The following OSBPL1A variants were observed in gnomAD, a reference collection of about 807,000 sequenced individuals.
OSBPL1A encodes the protein oxysterol-binding protein-related protein 1.
In OSBPL1A, 80 loss-of-function variants were observed where a neutral mutation model predicts 137.1. The ratio of observed to expected loss-of-function variants is 0.58; its 90% CI spans 0.49 to 0.70. OSBPL1A has a LOEUF of 0.70. OSBPL1A is among the 30% of genes least tolerant of loss of function. The pLI is 0.00. For synonymous variants in OSBPL1A, 365 were observed against 389.7 expected, an observed-to-expected ratio of 0.94 and a Z score of 0.75; for missense variants, 970 against 1,129.4, an observed-to-expected ratio of 0.86 and a Z score of 2.02.
chr18:24,231,791 G>A (rs1042327512), intron 16 of OSBPL1A, among the ~76,000 whole-genome samples: 2 of 152,216 alleles, frequency 1.3e-5, no homozygotes, highest in African/African-American at 2.4e-5. Flanking sequence ...CTTTCCAAGA[G>A]TTGATTTGTT....
chr18:24,393,224 A>T (rs1477604968), intron 1 of OSBPL1A, among the ~76,000 whole-genome samples: 3 of 152,244 alleles, frequency 2.0e-5, no homozygotes, highest in Non-Finnish European at 2.9e-5. Context: ...TACACATATT[A>T]TGTATACAGA....
Position 24,314,346 on chromosome 18 carries a change from A to T in OSBPL1A, c.872T>A (p.Val291Glu). 1 of 1,597,968 alleles carries T rather than the reference A, an allele frequency of 6.3e-7. No individual in the cohort carries two copies. Among genetic ancestry groups the T allele is most frequent in the Non-Finnish European group, 8.5e-7 (1 of 1,172,244 alleles). Residue 291 changes from valine (V) to glutamate (E), a missense_variant and splice_region_variant, in exon 12 of 28, where the codon GTA becomes GAA. Physicochemically the swap from Val to Glu is moderately radical, Grantham distance 121 (BLOSUM62 -2). Coordinates refer to ENST00000319481, the MANE Select transcript of OSBPL1A (RefSeq NM_080597.4). Reference sequence around the variant, plus strand: ...GAAGAGGCAGCTATCAGTGGATTTTACCTTGGATATAAAGAAGTCAGTAAG... The same window carrying T: ...GAAGAGGCAGCTATCAGTGGATTTTTCCTTGGATATAAAGAAGTCAGTAAG... ...CKHLTQAVCTVKSTDSCLFFI... is the reference protein window; with the variant it reads ...CKHLTQAVCTEKSTDSCLFFI...
At chr18:24,213,310 G>A (rs143980716) in intron 17 of OSBPL1A, among the ~76,000 whole-genome samples, 413 of 152,304 alleles carry the variant, frequency 2.7e-3, no homozygotes, top group African/African-American at 9.1e-3. Context: ...GCTCACGCCT[G>A]TAATCCTAGC....
chr18:24,188,397 G>A (rs113337417), intron 18 of OSBPL1A, among the ~76,000 whole-genome samples: 1 of 152,214 alleles, frequency 6.6e-6, no homozygotes, highest in Non-Finnish European at 1.5e-5. Context: ...AGAGGGTGGT[G>A]TGAACTCTGG....
chr18:24,217,213 G>T (rs559612200), intron 17 of OSBPL1A, among the ~76,000 whole-genome samples: 2 of 151,610 alleles, frequency 1.3e-5, no homozygotes, highest in African/African-American at 4.8e-5. Flanking sequence ...ATTTTATAAG[G>T]AGGTGTTAGG....
At chr18:24,281,011 C>T (rs971376108) in intron 14 of OSBPL1A, 63 bp from the exon 15 acceptor site, 3 of 988,298 alleles carry the variant, frequency 3.0e-6, no homozygotes, top group Non-Finnish European at 4.5e-6. Context: ...AAACTAAGAC[C>T]ACAAAAATAC....
chr18:24,388,753 T>A (rs1907109791), intron 1 of OSBPL1A, among the ~76,000 whole-genome samples: 1 of 133,582 alleles, frequency 7.5e-6, no homozygotes, highest in Non-Finnish European at 1.5e-5. Context: ...TGAGCCAAGA[T>A]CGCGCCACTG....
In OSBPL1A at chr18:24,225,214, T is replaced by C; in HGVS notation, c.1445-16A>G. On this transcript the variant is annotated splice_polypyrimidine_tract_variant and intron_variant, in intron 16 of 27. Coordinates refer to ENST00000319481, the MANE Select transcript of OSBPL1A (RefSeq NM_080597.4). ...GACTCGGAATCTGTGGCAGAGCAGG[T>C]TCATAGTTAATGAATTGAACTTGGG... is the stretch of plus-strand genomic sequence containing the variant. The C allele has an allele frequency of 3.1e-6, 5 of 1,613,746 alleles. No homozygotes were observed. The highest frequency in any genetic ancestry group is 3.4e-6 in the Non-Finnish European group (4 of 1,179,734).
intron 4 of OSBPL1A, among the ~76,000 whole-genome samples, chr18:24,345,864 C>T (rs1272144318): frequency 6.6e-6 from 1 of 152,148 alleles, no homozygotes; most frequent in Non-Finnish European, 1.5e-5. Context: ...GTATTGTTTG[C>T]TCCTCTTTTA....
chr18:24,362,680 C>A (rs1186458225), intron 4 of OSBPL1A, among the ~76,000 whole-genome samples: 1 of 152,150 alleles, frequency 6.6e-6, no homozygotes, highest in Non-Finnish European at 1.5e-5. Flanking sequence ...GAAATACACT[C>A]TATGTCATAG....
intron 1 of OSBPL1A, among the ~76,000 whole-genome samples, chr18:24,392,511 T>A (rs968150978): frequency 1.3e-5 from 2 of 152,178 alleles, no homozygotes; most frequent in African/African-American, 4.8e-5. Context: ...TAAAAATATA[T>A]GTTGCGATTA....
chr18:24,361,648 T>C (rs979932113), intron 4 of OSBPL1A, among the ~76,000 whole-genome samples: 1 of 152,154 alleles, frequency 6.6e-6, no homozygotes, highest in Non-Finnish European at 1.5e-5. Context: ...CTTGTGCTCA[T>C]GGGGACACAA....
chr18:24,221,693 C>A (rs571678280), intron 17 of OSBPL1A, among the ~76,000 whole-genome samples: 2 of 152,034 alleles, frequency 1.3e-5, no homozygotes, highest in Non-Finnish European at 2.9e-5. Context: ...TTTACCAAAC[C>A]ATCTATTCTT....
chr18:24,237,898 C>T (rs1335649597), intron 16 of OSBPL1A, among the ~76,000 whole-genome samples: 1 of 152,178 alleles, frequency 6.6e-6, no homozygotes, highest in Non-Finnish European at 1.5e-5. Context: ...GTGAGTCACT[C>T]TGTTCACAAA....
chr18:24,381,195 T>A (rs1304214741), intron 1 of OSBPL1A, among the ~76,000 whole-genome samples: 1 of 152,090 alleles, frequency 6.6e-6, no homozygotes, highest in African/African-American at 2.4e-5. Flanking sequence ...AGTGGGATTA[T>A]AGCCAAGGAG....
chr18:24,331,693 G>A (rs2091081687), intron 7 of OSBPL1A, among the ~76,000 whole-genome samples: 1 of 150,786 alleles, frequency 6.6e-6, no homozygotes, highest in African/African-American at 2.5e-5. Flanking sequence ...ACCGCGCCCG[G>A]CGGCATGTTC....
rs2090454071 is a variant in OSBPL1A at position 24,304,015 on chromosome 18, G to A, written c.1093-297C>T. On this transcript the variant is annotated intron_variant, in intron 13 of 27. Coordinates refer to ENST00000319481, the MANE Select transcript of OSBPL1A (RefSeq NM_080597.4). ...CTATCTCATTATGCCATGTGTATCT[G>A]AGGAATTATAATTCTCTGATTTATT... 3.3e-5 allele frequency among the ~76,000 whole-genome samples: 5 copies of A among 152,266 alleles called. No individual in the cohort carries two copies. The South Asian group carries it at 1.0e-3, about 32-fold the overall frequency.
At position 24,390,980 on chromosome 18, in the gene OSBPL1A, G is replaced by A. The variant is rs544695820; in HGVS notation, c.-3+6675C>T. ...CCTGGTGTGGCGGTGCGTGCCTGTA[G>A]TCCCAGCTACTGGGGAGACTGAAGC... On this transcript the variant is annotated intron_variant, in intron 1 of 27. Coordinates refer to ENST00000319481, the MANE Select transcript of OSBPL1A (RefSeq NM_080597.4). Among the ~76,000 whole-genome samples, 31 of 151,358 alleles carry A rather than the reference G, an allele frequency of 2.0e-4. No homozygotes were observed. In the South Asian group the frequency reaches 3.8e-3, roughly 18 times the overall value.
chr18:24,332,088 C>A (rs2091088672), intron 7 of OSBPL1A, among the ~76,000 whole-genome samples: 1 of 151,838 alleles, frequency 6.6e-6, no homozygotes, highest in African/African-American at 2.4e-5. Flanking sequence ...TAAAATGGCC[C>A]CAAGCGGCCA....
Sources: gnomAD v4.1 joint callset for allele counts (sites outside exome capture counted in the v4.1 genomes callset) on GRCh38, gnomAD v4.1.1 for gene constraint, MANE v1.5 for transcripts, NCBI Gene and HGNC (gene_info 2026-07-23, HGNC 2026-07-21) for gene names.